Variants in TENM2 observed in about 807,000 individuals in gnomAD.
TENM2 encodes teneurin transmembrane protein 2.
TENM2 carries 52 observed loss-of-function variants against 245.2 expected under a neutral mutation model. That is an observed-to-expected ratio of 0.21 (90% CI 0.17 to 0.27). The LOEUF (loss-of-function observed/expected upper bound fraction) is 0.27. Among genes scored for constraint, TENM2 ranks in the 10% least tolerant of loss-of-function variants. The pLI is 1.00. For missense variants in TENM2, 3,046 were observed against 3,666.8 expected, an observed-to-expected ratio of 0.83 and a Z score of 4.37; for synonymous variants, 1,363 against 1,438.9, an observed-to-expected ratio of 0.95 and a Z score of 1.19.
At chr5:167,103,673 A>T in the TENM2 span, among the ~76,000 whole-genome samples, 1 of 152,076 alleles carries the variant, frequency 6.6e-6, no homozygotes, top group African/African-American at 2.4e-5. Context: ...CTGCATACCC[A>T]TCCCATCCAT....
At chr5:167,859,311 C>T (rs1390767618) in intron 2 of TENM2, among the ~76,000 whole-genome samples, 20 of 140,994 alleles carry the variant, frequency 1.4e-4, no homozygotes, top group East Asian at 2.2e-4. Context: ...CCTCTCCGCC[C>T]GGCAGCCACC....
intron 1 of TENM2, among the ~76,000 whole-genome samples, chr5:167,317,140 A>T (rs1183758354): frequency 6.6e-6 from 1 of 152,148 alleles, no homozygotes; most frequent in African/African-American, 2.4e-5. Context: ...TAAAATGGCC[A>T]TGGTCATCAA....
the TENM2 span, among the ~76,000 whole-genome samples, chr5:167,208,407 G>A: frequency 2.0e-5 from 3 of 152,144 alleles, no homozygotes; most frequent in Admixed American, 6.5e-5. Context: ...ACATCCTAAG[G>A]AGAAAGCAAT....
At chr5:168,205,017 T>C (rs2152540232) in intron 19 of TENM2, among the ~76,000 whole-genome samples, 1 of 152,332 alleles carries the variant, frequency 6.6e-6, no homozygotes, top group African/African-American at 2.4e-5. Context: ...TCTTTGCACA[T>C]TCACTAGGAT....
At chr5:167,520,388 T>C (rs1301256785) in intron 2 of TENM2, among the ~76,000 whole-genome samples, 1 of 152,182 alleles carries the variant, frequency 6.6e-6, no homozygotes, top group African/African-American at 2.4e-5. Context: ...CATCTTCAGA[T>C]GAATGACTAG....
chr5:167,092,271 C>A, the TENM2 span, among the ~76,000 whole-genome samples: 4 of 151,984 alleles, frequency 2.6e-5, no homozygotes, highest in African/African-American at 9.7e-5. Context: ...ACAGCCCACC[C>A]GTTGCTTTAC....
At chr5:167,673,701 T>C (rs1459073) in intron 2 of TENM2, among the ~76,000 whole-genome samples, 6,762 of 152,154 alleles carry the variant, frequency 0.044, 797 homozygotes, top group East Asian at 0.41. Context: ...GAGACCCCAA[T>C]TGAATCTACA....
At chr5:167,699,028 A>G (rs1185755121) in intron 2 of TENM2, among the ~76,000 whole-genome samples, 1 of 152,126 alleles carries the variant, frequency 6.6e-6, no homozygotes, top group Non-Finnish European at 1.5e-5. Flanking sequence ...TTAAAGTGTA[A>G]ACCCCTTAGA....
chr5:167,594,012 C>T (rs1374688961), intron 2 of TENM2, among the ~76,000 whole-genome samples: 1 of 152,182 alleles, frequency 6.6e-6, no homozygotes, highest in Non-Finnish European at 1.5e-5. Flanking sequence ...TGATGTTCCT[C>T]ATGCATACTT....
rs555150513 is a variant in TENM2 at position 167,834,640 on chromosome 5, C to CTT, written c.503-41326_503-41325dup. ...TCTCACAGTTGTGTCTGTACAATTTCTTTTTTTTTTTTTTTTTTTTTCTTT... is the reference window on the plus strand; with the variant it reads ...TCTCACAGTTGTGTCTGTACAATTTCTTTTTTTTTTTTTTTTTTTTTTTCTTT... On this transcript the variant is annotated intron_variant, in intron 2 of 28. Coordinates refer to ENST00000518659, the Ensembl canonical transcript of TENM2. Among the ~76,000 whole-genome samples, 30 of 129,510 alleles carry CTT rather than the reference C, an allele frequency of 2.3e-4. 1 individual carries two copies. Among genetic ancestry groups the CTT allele is most frequent in the African/African-American group, 7.3e-4 (25 of 34,032 alleles). 85.0% of individuals were successfully genotyped at this position (129,510 alleles called of 152,430 possible). A position where few individuals can be genotyped will look rare whatever the true frequency, so the allele number is the denominator to read the frequency against.
chr5:167,446,717 C>T lies in TENM2; in HGVS notation c.502+71244C>T, dbSNP rs1200825842. 4.0e-5 allele frequency among the ~76,000 whole-genome samples: 6 copies of T among 151,166 alleles called. No homozygotes were observed. In the Admixed American group the frequency reaches 4.0e-4, roughly 10 times the overall value. Reference sequence around the variant, plus strand: ...ACTTTTTTGGGGGGGGGGATTTGTACCCATGTGATGTCTAACTTTTGTGAC... The same window carrying T: ...ACTTTTTTGGGGGGGGGGATTTGTATCCATGTGATGTCTAACTTTTGTGAC... On this transcript the variant is annotated intron_variant, in intron 2 of 28. Transcript: ENST00000518659.
the TENM2 span, among the ~76,000 whole-genome samples, chr5:167,203,965 A>C: frequency 9.2e-5 from 14 of 152,148 alleles, no homozygotes; most frequent in Admixed American, 1.3e-4. Flanking sequence ...ATTTGGATGC[A>C]TTATAATGCA....
At chr5:167,739,799 GT>G (rs1365562015) in intron 2 of TENM2, among the ~76,000 whole-genome samples, 1 of 152,064 alleles carries the variant, frequency 6.6e-6, no homozygotes, top group Non-Finnish European at 1.5e-5. Flanking sequence ...ATTCTTCCCC[GT>G]TTGGAGTGCA....
chr5:168,190,656 C>T (rs1760873361), intron 14 of TENM2, 109 bp downstream of exon 16: 3 of 939,080 alleles, frequency 3.2e-6, no homozygotes, highest in Non-Finnish European at 4.9e-6. Flanking sequence ...TGGAATCTGC[C>T]CCCCTAGAGG....
chr5:168,054,239 G>A (rs999719619), intron 6 of TENM2, among the ~76,000 whole-genome samples: 5 of 152,208 alleles, frequency 3.3e-5, no homozygotes, highest in African/African-American at 1.2e-4. Context: ...CAGAAGCAGT[G>A]ACTTTCAGGA....
At chr5:167,508,687 C>T (rs999319042) in intron 2 of TENM2, among the ~76,000 whole-genome samples, 1 of 152,118 alleles carries the variant, frequency 6.6e-6, no homozygotes, top group South Asian at 2.1e-4. Flanking sequence ...AATTTAAAGA[C>T]AGGACAAAGT....
intron 2 of TENM2, among the ~76,000 whole-genome samples, chr5:167,594,769 A>G (rs1176452301): frequency 1.3e-5 from 2 of 152,072 alleles, no homozygotes; most frequent in Non-Finnish European, 2.9e-5. Context: ...TCAAGCGGGG[A>G]TTGTCTGTCT....
chr5:167,997,052 T>G (rs1182390943), intron 5 of TENM2, among the ~76,000 whole-genome samples: 1 of 152,130 alleles, frequency 6.6e-6, no homozygotes, highest in Non-Finnish European at 1.5e-5. Flanking sequence ...TTGAAGCACT[T>G]TTATACAACT....
chr5:167,399,008 A>G (rs1397242961), intron 2 of TENM2, among the ~76,000 whole-genome samples: 3 of 152,124 alleles, frequency 2.0e-5, no homozygotes, highest in Non-Finnish European at 4.4e-5. Context: ...TTGGGCAGAT[A>G]TGTAAATCCC....
Sources: allele counts gnomAD v4.1 joint callset (sites outside exome capture counted in the v4.1 genomes callset), GRCh38; gene constraint gnomAD v4.1.1; transcripts MANE v1.5; gene names NCBI Gene and HGNC (gene_info 2026-07-23, HGNC 2026-07-21).